The following L2HGDH variants were observed in gnomAD, a reference collection of about 807,000 sequenced individuals.
The protein encoded by L2HGDH is L-2-hydroxyglutarate dehydrogenase, mitochondrial.
A neutral mutation model predicts 51.5 loss-of-function variants in L2HGDH; 34 were observed. The ratio of observed to expected loss-of-function variants is 0.66; its 90% CI spans 0.50 to 0.88. The LOEUF (loss-of-function observed/expected upper bound fraction) is 0.88. L2HGDH is among the 40% of genes least tolerant of loss of function. The pLI is 0.00. For missense variants in L2HGDH, 558 were observed against 571.9 expected (o/e 0.98, Z 0.25); for synonymous variants, 198 against 197.9 (o/e 1.00, Z -0.01).
At chr14:50,278,655 T>A in intron 5 of L2HGDH, 101 bp from the exon 6 acceptor site, 1 of 688,530 alleles carries the variant, frequency 1.5e-6, no homozygotes, top group South Asian at 1.7e-5. Flanking sequence ...TTTCTGTCAT[T>A]ACTATGATTG....
intron 4 of L2HGDH, among the ~76,000 whole-genome samples, chr14:50,285,077 T>C (rs1027532573): frequency 9.2e-5 from 14 of 152,098 alleles, no homozygotes; most frequent in Admixed American, 7.9e-4. Flanking sequence ...TGAAACCTCA[T>C]CTCTACTAAA....
In L2HGDH at chr14:50,247,033, G is replaced by A; in HGVS notation, c.*25C>T. 1.2e-6 allele frequency: 2 copies of A among 1,607,910 alleles called. No individual in the cohort carries two copies. Among genetic ancestry groups the A allele is most frequent in the Non-Finnish European group, 1.7e-6 (2 of 1,176,024 alleles). ...TCTTGTTGCTGACATGAAGATTACA[G>A]TGCATACCTAGCTCCTTTCATTATT... On this transcript the variant is annotated 3_prime_UTR_variant, in exon 10 of 10. Transcript: ENST00000267436.
chr14:50,247,311 C>A, intron 9 of L2HGDH, 58 bp from the exon 10 acceptor site: 2 of 1,576,174 alleles, frequency 1.3e-6, no homozygotes, highest in South Asian at 1.2e-5. Flanking sequence ...CTTTACAAGT[C>A]AGCGTTTCCA....
At chr14:50,269,071 C>A in intron 7 of L2HGDH, 92 bp downstream of exon 7, 1 of 1,154,202 alleles carries the variant, frequency 8.7e-7, no homozygotes, top group Non-Finnish European at 1.3e-6. Context: ...CAAAATTTCT[C>A]TTATTTCTGA....
In L2HGDH at chr14:50,302,899, T is replaced by C. The variant is rs1235257128; in HGVS notation, c.256+3A>G. On this transcript the variant is annotated splice_donor_region_variant and intron_variant, in intron 2 of 9. Transcript: ENST00000267436. ...CAAAGAACAACATTGATTATATACATACCTAAATCTTTCTCCTTTTCCAGA... is the reference window on the plus strand; with the variant it reads ...CAAAGAACAACATTGATTATATACACACCTAAATCTTTCTCCTTTTCCAGA... 35 of 1,587,110 alleles carry C rather than the reference T, an allele frequency of 2.2e-5. No homozygotes were observed. In the Admixed American group the frequency reaches 5.7e-4, roughly 26 times the overall value.
rs2030430270 is a variant in L2HGDH, at chr14:50,301,913, A to G, written c.408+104T>C. 2.1e-5 allele frequency: 24 copies of G among 1,163,104 alleles called. No individual in the cohort carries two copies. The South Asian group carries it at 3.3e-4, about 16-fold the overall frequency. The allele number at this position is 1,163,104 out of a possible 1,614,324, so 72.0% of individuals were successfully genotyped here. On this transcript the variant is annotated intron_variant, in intron 3 of 9. Coordinates refer to ENST00000267436, the MANE Select transcript of L2HGDH (RefSeq NM_024884.3). ...TCCCTAAGATTAGATTTGAAAAATT[A>G]CATAGATACAAAGAAAAAAATACAT...
At chr14:50,264,899 T>C (rs904331206) in intron 9 of L2HGDH, among the ~76,000 whole-genome samples, 2 of 151,404 alleles carry the variant, frequency 1.3e-5, no homozygotes, top group Admixed American at 1.3e-4. Flanking sequence ...GTTTTAAGAA[T>C]CAATCAAAAT....
At chr14:50,310,428 CA>C (rs776402096) in intron 1 of L2HGDH, among the ~76,000 whole-genome samples, 4 of 152,050 alleles carry the variant, frequency 2.6e-5, no homozygotes, top group Non-Finnish European at 4.4e-5. Flanking sequence ...AAGTATAGGC[CA>C]GGCACGGTGG....
chr14:50,301,751 G>C lies in L2HGDH; in HGVS notation c.408+266C>G, dbSNP rs576254869. On this transcript the variant is annotated intron_variant, in intron 3 of 9. Coordinates refer to ENST00000267436, the MANE Select transcript of L2HGDH (RefSeq NM_024884.3). ...AAGCCTGAAATTAGATAGTGGTGAT[G>C]ATTGCTCAGCTCTATAAATATACTA... is the stretch of plus-strand genomic sequence containing the variant. 2.0e-5 allele frequency among the ~76,000 whole-genome samples: 3 copies of C among 152,260 alleles called. No homozygotes were observed. In the East Asian group the frequency reaches 5.8e-4, roughly 29 times the overall value.
chr14:50,248,688 T>C (rs1888153366), intron 9 of L2HGDH, among the ~76,000 whole-genome samples: 1 of 151,330 alleles, frequency 6.6e-6, no homozygotes, highest in Admixed American at 6.6e-5. Context: ...GGACAAGAGA[T>C]TTTTTAGCTG....
intron 9 of L2HGDH, among the ~76,000 whole-genome samples, chr14:50,252,780 C>T (rs1888440455): frequency 6.6e-6 from 1 of 151,996 alleles, no homozygotes; most frequent in South Asian, 2.1e-4. Flanking sequence ...GAGTACCCAG[C>T]TATACAAAGC....
At chr14:50,292,646 C>A (rs919027908) in intron 4 of L2HGDH, among the ~76,000 whole-genome samples, 1 of 152,136 alleles carries the variant, frequency 6.6e-6, no homozygotes, top group Admixed American at 6.5e-5. Flanking sequence ...GCAGAGGTTG[C>A]GGTGAGCTGA....
chr14:50,271,585 A>C (rs949498953), intron 6 of L2HGDH, among the ~76,000 whole-genome samples: 1 of 152,232 alleles, frequency 6.6e-6, no homozygotes, highest in African/African-American at 2.4e-5. Context: ...TCACGCCTGT[A>C]GTCCCAACAC....
intron 9 of L2HGDH, among the ~76,000 whole-genome samples, chr14:50,258,073 TAA>T (rs3072729): frequency 0.35 from 48,953 of 141,558 alleles, 8,662 homozygotes; most frequent in Middle Eastern, 0.43. Context: ...GTCAAAAAGT[TAA>T]AAAAAAAAAA....
At position 50,247,095 on chromosome 14, in the gene L2HGDH, A is replaced by G. The variant is rs1168824875; in HGVS notation, c.1355T>C (p.Met452Thr). 6.2e-7 allele frequency: 1 copy of G among 1,613,738 alleles called. No individual in the cohort carries two copies. Among genetic ancestry groups the G allele is most frequent in the Non-Finnish European group, 8.5e-7 (1 of 1,179,628 alleles). ...TCTTTGTTGTACTTCATCTGCAATC[A>G]TTCCAGAAATTGCAATGGAAGAAGT... Reference protein sequence around the residue: ...AATSSIAISGMIADEVQQRFE... With the variant: ...AATSSIAISGTIADEVQQRFE... The change falls in exon 10 of 10, where the codon ATG becomes ACG. Residue 452 changes from methionine to threonine, a missense_variant. By Grantham distance (81) the Met-to-Thr change is moderately conservative (BLOSUM62 -1). This residue lies in a region of L2HGDH where 321 missense variants were observed against 311.8 expected (regional missense o/e 1.03). Transcript: ENST00000267436.
chr14:50,268,888 G>A (rs1296559761), intron 7 of L2HGDH, among the ~76,000 whole-genome samples: 4 of 152,134 alleles, frequency 2.6e-5, no homozygotes, highest in Non-Finnish European at 5.9e-5. Flanking sequence ...CTCCACCAGA[G>A]AGAAGGTAGA....
intron 9 of L2HGDH, among the ~76,000 whole-genome samples, chr14:50,251,291 A>C (rs554315381): frequency 1.3e-5 from 2 of 152,152 alleles, no homozygotes; most frequent in Non-Finnish European, 2.9e-5. Context: ...TTGTGAGCTG[A>C]AAGACAGGCT....
chr14:50,280,825 AT>A (rs1012709098), intron 5 of L2HGDH, among the ~76,000 whole-genome samples: 2 of 151,068 alleles, frequency 1.3e-5, no homozygotes, highest in African/African-American at 4.9e-5. Context: ...TAAAAAAAAA[AT>A]TTTTTTGAGA....
At chr14:50,277,292 C>A (rs1355322961) in intron 6 of L2HGDH, among the ~76,000 whole-genome samples, 1 of 150,386 alleles carries the variant, frequency 6.6e-6, no homozygotes, top group Non-Finnish European at 1.5e-5. Flanking sequence ...ACTTTTACTT[C>A]TGTCTTTATT....
Sources: allele counts gnomAD v4.1 joint callset (sites outside exome capture counted in the v4.1 genomes callset), GRCh38; gene constraint gnomAD v4.1.1; regional missense constraint gnomAD v4.1.1; transcripts MANE v1.5; gene names NCBI Gene and HGNC (gene_info 2026-07-23, HGNC 2026-07-21).